Variants in NFAT5 observed in about 807,000 individuals in gnomAD.
NFAT5 encodes nuclear factor of activated T-cells 5.
A neutral mutation model predicts 166.5 loss-of-function variants in NFAT5; 31 were observed. The observed-to-expected ratio is 0.19, with a 90% CI of 0.14 to 0.25. NFAT5 has a LOEUF of 0.25. NFAT5 is among the 10% of genes least tolerant of loss of function. The pLI, the probability that NFAT5 is intolerant of heterozygous loss-of-function variation, is 1.00. For missense variants in NFAT5, 1,449 were observed against 1,821.8 expected (o/e 0.80, Z 3.72); for synonymous variants, 612 against 639.7 (o/e 0.96, Z 0.65).
chr16:69,568,378 A>ATG (rs1567505592), intron 1 of NFAT5, 117 bp from the exon 2 acceptor site: 14 of 150,388 alleles, frequency 9.3e-5, no homozygotes, highest in African/African-American at 2.3e-4. Flanking sequence ...GTGTGTGTGT[A>ATG]TATATATATA....
At chr16:69,696,281 T>C (rs1027626116) in intron 14 of NFAT5, 79 bp from the exon 15 acceptor site, 3 of 152,198 alleles carry the variant, frequency 2.0e-5, no homozygotes, top group Non-Finnish European at 1.5e-5. Flanking sequence ...TAATATACTT[T>C]AGGATCATTC....
chr16:69,634,348 A>T (rs1212461059), intron 3 of NFAT5, among the ~76,000 whole-genome samples: 2 of 152,060 alleles, frequency 1.3e-5, no homozygotes, highest in Admixed American at 1.3e-4. Flanking sequence ...TGGAAGCTAC[A>T]TGAGTGTTTT....
At chr16:69,615,945 G>GGTTTC (rs2033923025) in intron 2 of NFAT5, among the ~76,000 whole-genome samples, 1 of 152,022 alleles carries the variant, frequency 6.6e-6, no homozygotes, top group Admixed American at 6.6e-5. Flanking sequence ...CAGTCTACTT[G>GGTTTC]GTTTCTTACT....
At position 69,566,423 on chromosome 16, in the gene NFAT5, A is replaced by G. The variant is rs1259393700; in HGVS notation, c.73+49A>G. The stretch of plus-strand genomic sequence containing the variant: ...GGCGTGGGGGCGGGGAGACAGGGAG[A>G]CAGGGAGACAGGGCCAGGGGAGGCG... On this transcript the variant is annotated intron_variant, in intron 1 of 14. Coordinates refer to ENST00000349945, the MANE Select transcript of NFAT5 (RefSeq NM_138713.4). The surrounding 1 kb of genome is among the most constrained non-coding windows in gnomAD (Gnocchi z 5.7). The G allele has an allele frequency of 8.6e-6, 12 of 1,403,144 alleles. No individual in the cohort carries two copies. Among genetic ancestry groups the G allele is most frequent in the Non-Finnish European group, 1.1e-5 (11 of 1,012,708 alleles). 86.9% of individuals were successfully genotyped at this position (1,403,144 alleles called of 1,614,324 possible). A position where few individuals can be genotyped will look rare whatever the true frequency, so the allele number is the denominator to read the frequency against.
chr16:69,592,080 C>CT (rs3037496), intron 2 of NFAT5, among the ~76,000 whole-genome samples: 53,727 of 118,058 alleles, frequency 0.46, 12,262 homozygotes, highest in Non-Finnish European at 0.53. Context: ...ATTACTTTTT[C>CT]TTTTTTTTTT....
intron 7 of NFAT5, among the ~76,000 whole-genome samples, chr16:69,664,080 G>A (rs1023039288): frequency 6.6e-6 from 1 of 152,088 alleles, no homozygotes; most frequent in Non-Finnish European, 1.5e-5. Flanking sequence ...GGGAAAGGAT[G>A]GTATTGTTAA....
chr16:69,644,310 TA>T (rs1318442876), intron 3 of NFAT5, among the ~76,000 whole-genome samples: 1 of 151,998 alleles, frequency 6.6e-6, no homozygotes, highest in African/African-American at 2.4e-5. Flanking sequence ...TTTTACAGTT[TA>T]AAAAAAATTA....
Position 69,690,983 on chromosome 16 carries a change from C to A in NFAT5, c.1818C>A (p.Ile606=). ...GTAATTTAGATAAGGTAAATATTAT[C>A]CCTAATGCCCTGATGACTCCACTCA... ...TGCNLDKVNI[I]PNALMTPLIP... is the part of the protein sequence containing the mutation. The change falls in exon 12 of 15, where the codon ATC becomes ATA. Residue 606 remains isoleucine, a synonymous_variant. Transcript: ENST00000349945. 1 of 1,603,586 alleles carries A rather than the reference C, an allele frequency of 6.2e-7. No homozygotes were observed.
chr16:69,600,652 T>A (rs2033077451), intron 2 of NFAT5, among the ~76,000 whole-genome samples: 1 of 151,470 alleles, frequency 6.6e-6, no homozygotes, highest in African/African-American at 2.4e-5. Context: ...CCTATACATT[T>A]GCTGTGGAGA....
intron 9 of NFAT5, among the ~76,000 whole-genome samples, chr16:69,675,837 C>T (rs991936187): frequency 6.6e-6 from 1 of 152,104 alleles, no homozygotes; most frequent in Non-Finnish European, 1.5e-5. Flanking sequence ...AACAGGGTTT[C>T]ACCATGTTAA....
Position 69,697,504 on chromosome 16 carries a change from C to T in NFAT5, c.*1153C>T, listed in dbSNP as rs1028084424. On this transcript the variant is annotated 3_prime_UTR_variant, in exon 15 of 15. Transcript: ENST00000349945. ...AAAATTTCTTGAAATATCACTTCTC[C>T]CTGATCTGCAGTGAGTATAAATTCA... 2 of 152,392 alleles carry T rather than the reference C, an allele frequency of 1.3e-5. No homozygotes were observed. Among genetic ancestry groups the T allele is most frequent in the African/African-American group, 4.8e-5 (2 of 41,376 alleles). The allele number at this position is 152,392 out of a possible 1,614,324, so 9.4% of individuals were successfully genotyped here.
In NFAT5 at chr16:69,692,899, C is replaced by G. The variant is rs201699398; in HGVS notation, c.3074C>G (p.Thr1025Ser). The G allele has an allele frequency of 1.2e-6, 2 of 1,614,156 alleles. No individual in the cohort carries two copies. The highest frequency in any genetic ancestry group is 1.7e-5 in the Admixed American group (1 of 60,016). The change falls in exon 13 of 15, where the codon ACC becomes AGC. Residue 1025 changes from threonine to serine, a missense_variant. Physicochemically the swap from Thr to Ser is moderately conservative, Grantham distance 58. Transcript: ENST00000349945. ...CAGATTCAGAACAGTGTCTTTCAGA[C>G]CATGGTCCAAATGCAACATAGTGGG... ...AKQIQNSVFQ[T>S]MVQMQHSGDN...
chr16:69,661,285 C>A (rs1280097327), intron 7 of NFAT5, among the ~76,000 whole-genome samples: 19 of 149,322 alleles, frequency 1.3e-4, no homozygotes, highest in Non-Finnish European at 1.9e-4. Context: ...TTAAACCTGC[C>A]AAAAAGTTTG....
chr16:69,653,481 G>A, intron 5 of NFAT5, 53 bp downstream of exon 5: 1 of 1,096,302 alleles, frequency 9.1e-7, no homozygotes, highest in Non-Finnish European at 1.3e-6. Context: ...AGGGGAATGA[G>A]AATATGTCCT....
chr16:69,582,579 A>G (rs1278752445), intron 2 of NFAT5, among the ~76,000 whole-genome samples: 1 of 150,492 alleles, frequency 6.6e-6, no homozygotes, highest in Admixed American at 6.7e-5. Flanking sequence ...TTGCATGTGC[A>G]TATCTAGTTG....
chr16:69,662,599 A>G (rs768059064), intron 7 of NFAT5, among the ~76,000 whole-genome samples: 6 of 151,810 alleles, frequency 4.0e-5, no homozygotes, highest in Non-Finnish European at 7.4e-5. Flanking sequence ...AGCTGGGACT[A>G]CAGGCACCCG....
chr16:69,669,680 C>G (rs1411434087), intron 7 of NFAT5, among the ~76,000 whole-genome samples: 2 of 152,144 alleles, frequency 1.3e-5, no homozygotes, highest in African/African-American at 4.8e-5. Context: ...GACAACAAAA[C>G]AAAACTCAGT....
In NFAT5 at chr16:69,692,944, A is replaced by C. The variant is rs2037609612; in HGVS notation, c.3119A>C (p.Asn1040Thr). 1 of 1,614,072 alleles carries C rather than the reference A, an allele frequency of 6.2e-7. No individual in the cohort carries two copies. Among genetic ancestry groups the C allele is most frequent in the Non-Finnish European group, 8.5e-7 (1 of 1,180,032 alleles). Residue 1040 changes from asparagine to threonine, a missense_variant, in exon 13 of 15, where the codon AAC becomes ACC. Around this residue, in one of 7 missense-constraint regions of NFAT5, gnomAD observed 891 missense variants for 993.0 expected, o/e 0.90. Transcript: ENST00000349945. Reference sequence around the variant, plus strand: ...AGTGGGGACAATCAACCTCAAGTTAACCTTTTTTCATCCACAAAAAGTATG... The same window carrying C: ...AGTGGGGACAATCAACCTCAAGTTACCCTTTTTTCATCCACAAAAAGTATG... ...QHSGDNQPQV[N>T]LFSSTKSMMS... is the part of the protein sequence containing the mutation.
intron 1 of NFAT5, 143 bp from the exon 2 acceptor site, chr16:69,568,346 ATGTGTG>A (rs1555515541): frequency 2.8e-5 from 5 of 180,608 alleles, no homozygotes; most frequent in Admixed American, 2.3e-4. Flanking sequence ...ATATATATAT[ATGTGTG>A]TGTGTGTGTG....
Sources: allele counts gnomAD v4.1 joint callset (sites outside exome capture counted in the v4.1 genomes callset), GRCh38; gene constraint gnomAD v4.1.1; regional missense constraint gnomAD v4.1.1; non-coding constraint Gnocchi (gnomAD v3.1); transcripts MANE v1.5; gene names NCBI Gene and HGNC (gene_info 2026-07-23, HGNC 2026-07-21).